Variants in ALMS1 observed in about 807,000 individuals in gnomAD.
The protein encoded by ALMS1 is centrosome-associated protein ALMS1.
Under a neutral mutation model 352.2 loss-of-function variants are expected in ALMS1, and 271 were observed. The ratio of observed to expected loss-of-function variants is 0.77; its 90% confidence interval spans 0.70 to 0.85. ALMS1 has a LOEUF of 0.85. ALMS1 is among the 40% of genes least tolerant of loss of function. The pLI, the probability that ALMS1 is intolerant of heterozygous loss-of-function variation, is 0.00. For missense variants in ALMS1, 5,445 were observed against 4,870.7 expected, an observed-to-expected ratio of 1.12 and a Z score of -3.51; for synonymous variants, 1,865 against 1,761.2, an observed-to-expected ratio of 1.06 and a Z score of -1.48.
intron 11 of ALMS1, among the ~76,000 whole-genome samples, chr2:73,521,987 C>T (rs1193771837): frequency 1.3e-5 from 2 of 152,172 alleles, no homozygotes; most frequent in African/African-American, 4.8e-5. Flanking sequence ...ATGTTAACTA[C>T]ATGACTGCTT....
intron 10 of ALMS1, among the ~76,000 whole-genome samples, chr2:73,513,896 A>G (rs1428058104): frequency 6.6e-6 from 1 of 151,972 alleles, no homozygotes; most frequent in Non-Finnish European, 1.5e-5. Flanking sequence ...AGATTCTGAT[A>G]CCTTGCTCTG....
intron 7 of ALMS1, among the ~76,000 whole-genome samples, chr2:73,436,663 T>C (rs1671609390): frequency 6.6e-6 from 1 of 152,246 alleles, no homozygotes; most frequent in African/African-American, 2.4e-5. Flanking sequence ...CCATATCTAC[T>C]GTTGAGCCTC....
intron 11 of ALMS1, among the ~76,000 whole-genome samples, chr2:73,533,296 G>T (rs1290309880): frequency 6.6e-6 from 1 of 152,146 alleles, no homozygotes; most frequent in Non-Finnish European, 1.5e-5. Context: ...GACTTTCCTG[G>T]GAATTGTGTT....
At chr2:73,603,385 A>C in intron 21 of ALMS1, 81 bp downstream of exon 21, 1 of 1,247,100 alleles carries the variant, frequency 8.0e-7, no homozygotes, top group Non-Finnish European at 1.2e-6. Context: ...TGCACCCAGA[A>C]TAAATGTATT....
intron 10 of ALMS1, among the ~76,000 whole-genome samples, chr2:73,499,821 C>T (rs1438079846): frequency 3.3e-5 from 5 of 152,074 alleles, no homozygotes; most frequent in South Asian, 2.1e-4. Flanking sequence ...AGTTCTGGCT[C>T]GTAGTTCACC....
At chr2:73,408,133 C>A (rs900037467) in intron 1 of ALMS1, among the ~76,000 whole-genome samples, 2 of 152,178 alleles carry the variant, frequency 1.3e-5, no homozygotes, top group East Asian at 3.9e-4. Flanking sequence ...TTGACCAGGT[C>A]ATTTTTGTTT....
chr2:73,585,968 C>A (rs992570124), intron 16 of ALMS1, among the ~76,000 whole-genome samples: 1 of 152,030 alleles, frequency 6.6e-6, no homozygotes, highest in Non-Finnish European at 1.5e-5. Context: ...CCATGTTGGC[C>A]AGGCTGATCT....
chr2:73,580,292 A>G (rs1397727533), intron 16 of ALMS1, among the ~76,000 whole-genome samples: 1 of 152,130 alleles, frequency 6.6e-6, no homozygotes, highest in African/African-American at 2.4e-5. Flanking sequence ...CATTTCACCT[A>G]TCTTCACCTA....
At chr2:73,389,982 C>T (rs984671991) in intron 1 of ALMS1, among the ~76,000 whole-genome samples, 6 of 152,108 alleles carry the variant, frequency 3.9e-5, no homozygotes, top group South Asian at 2.1e-4. Flanking sequence ...CCACCGCGCC[C>T]GGCCTCTAAT....
intron 11 of ALMS1, among the ~76,000 whole-genome samples, chr2:73,531,875 C>T (rs781051254): frequency 1.3e-5 from 2 of 152,200 alleles, no homozygotes; most frequent in Non-Finnish European, 2.9e-5. Context: ...ATCAAGATCT[C>T]CTGAGAACTC....
At chr2:73,392,164 A>G (rs1298534724) in intron 1 of ALMS1, among the ~76,000 whole-genome samples, 1 of 151,480 alleles carries the variant, frequency 6.6e-6, no homozygotes. Context: ...TCTTGATTTA[A>G]GTTTCTGTTG....
intron 9 of ALMS1, among the ~76,000 whole-genome samples, chr2:73,487,648 C>T (rs1048503816): frequency 3.9e-5 from 6 of 152,170 alleles, no homozygotes; most frequent in African/African-American, 1.4e-4. Context: ...TTAGTCCCAC[C>T]ATTTGGTGGA....
intron 22 of ALMS1, among the ~76,000 whole-genome samples, chr2:73,609,153 A>G (rs1191648073): frequency 2.0e-5 from 3 of 152,202 alleles, no homozygotes; most frequent in Non-Finnish European, 4.4e-5. Context: ...ACTTCACTGT[A>G]GTTGTTTCCT....
intron 1 of ALMS1, among the ~76,000 whole-genome samples, chr2:73,392,947 A>T (rs929336159): frequency 3.9e-5 from 6 of 152,164 alleles, no homozygotes; most frequent in Non-Finnish European, 8.8e-5. Flanking sequence ...CCTTCCTATT[A>T]GCAGTGTATG....
intron 13 of ALMS1, among the ~76,000 whole-genome samples, chr2:73,556,893 G>T (rs376865094): frequency 6.6e-6 from 1 of 151,864 alleles, no homozygotes; most frequent in African/African-American, 2.4e-5. Flanking sequence ...GTAGAGTTGG[G>T]GTTTCACCGT....
At chr2:73,538,395 A>T (rs1167565055) in intron 12 of ALMS1, among the ~76,000 whole-genome samples, 2 of 152,196 alleles carry the variant, frequency 1.3e-5, no homozygotes, top group African/African-American at 4.8e-5. Flanking sequence ...ATTTTAAAAA[A>T]TAAGCGGAGA....
intron 11 of ALMS1, among the ~76,000 whole-genome samples, chr2:73,531,817 G>A (rs1033521868): frequency 5.3e-5 from 8 of 152,204 alleles, no homozygotes; most frequent in Non-Finnish European, 8.8e-5. Context: ...CACATCTTAC[G>A]TGGCAGCAGG....
chr2:73,519,628 T>C (rs1673630328), intron 10 of ALMS1, 147 bp from the exon 11 acceptor site: 2 of 992,990 alleles, frequency 2.0e-6, no homozygotes, highest in Non-Finnish European at 2.9e-6. Flanking sequence ...ACTGCTGAAA[T>C]TTTACCTTAA....
intron 16 of ALMS1, among the ~76,000 whole-genome samples, chr2:73,581,687 T>C (rs1377886966): frequency 1.3e-5 from 2 of 152,184 alleles, no homozygotes; most frequent in Non-Finnish European, 2.9e-5. Context: ...TTGCTTGTCG[T>C]TCCCAGGTGG....
Sources: gnomAD v4.1 joint callset for allele counts (sites outside exome capture counted in the v4.1 genomes callset) on GRCh38, gnomAD v4.1.1 for gene constraint, MANE v1.5 for transcripts, NCBI Gene and HGNC (gene_info 2026-07-23, HGNC 2026-07-21) for gene names.